PCID2: variants seen among roughly 807,000 people sequenced by gnomAD.
The protein encoded by PCID2 is PCI domain containing 2.
In PCID2, 41 loss-of-function variants were observed where a neutral mutation model predicts 61.3. That is an observed-to-expected ratio of 0.67 (90% CI 0.52 to 0.87). The LOEUF is 0.87. PCID2 is among the 40% of genes least tolerant of loss of function. The probability of loss-of-function intolerance (pLI) is 0.00; values close to 1 mark genes in which losing one functional copy is unlikely to be tolerated. For missense variants in PCID2, 392 were observed against 493.4 expected (o/e 0.79, Z 1.95); for synonymous variants, 187 against 177.8 (o/e 1.05, Z -0.41).
chr13:113,183,535 C>A (rs2037831838), intron 9 of PCID2, among the ~76,000 whole-genome samples: 1 of 152,072 alleles, frequency 6.6e-6, no homozygotes, highest in Non-Finnish European at 1.5e-5. Context: ...AGAGTAAAAA[C>A]TGTGAAAGGA....
downstream of PCID2, among the ~76,000 whole-genome samples, chr13:113,176,437 G>A: frequency 6.6e-6 from 1 of 152,306 alleles, no homozygotes; most frequent in African/African-American, 2.4e-5. Context: ...TCATAAGGGT[G>A]AGGTCCTAAC....
intron 7 of PCID2, chr13:113,186,181 G>C (rs929904779): frequency 6.6e-6 from 1 of 152,594 alleles, no homozygotes; most frequent in Non-Finnish European, 1.5e-5. Context: ...CGAACAGGCA[G>C]GAAGCAACCC....
In PCID2 at chr13:113,180,142, G is replaced by T. The variant is rs1189883807; in HGVS notation, c.860+16C>A. 1.2e-6 allele frequency: 2 copies of T among 1,613,518 alleles called. No homozygotes were observed. Among genetic ancestry groups the T allele is most frequent in the East Asian group, 2.2e-5 (1 of 44,860 alleles). On this transcript the variant is annotated intron_variant, in intron 11 of 13. Transcript: ENST00000337344. Reference sequence around the variant, plus strand: ...GCATTTTTAAAACCCCAAACAGGAAGGATGGCATACTCTACCTCACAGCTC... The same window carrying T: ...GCATTTTTAAAACCCCAAACAGGAATGATGGCATACTCTACCTCACAGCTC...
At chr13:113,165,118 C>T in the PCID2 span, 1 of 1,611,282 alleles carries the variant, frequency 6.2e-7, no homozygotes, top group African/African-American at 1.3e-5. Context: ...CCTCCCGTGG[C>T]AGGTAACAGA....
rs764988354 is a variant in PCID2, at chr13:113,181,157, G to A, written c.759C>T (p.Ile253=). The change falls in exon 10 of 14, where the codon ATC becomes ATT. Residue 253 remains isoleucine, a synonymous_variant. Transcript: ENST00000337344. The part of the protein sequence containing the change: ...SSQKNKRMIL[I]YLLPVKMLLG... ...ATAGCATTTTTACTGGAAGCAAATAGATCAGAATCATCCTTTTGTTCTTCT... is the reference window on the plus strand; with the variant it reads ...ATAGCATTTTTACTGGAAGCAAATAAATCAGAATCATCCTTTTGTTCTTCT... 6 of 1,611,172 alleles carry A rather than the reference G, an allele frequency of 3.7e-6. No homozygotes were observed. The Admixed American group carries it at 6.7e-5, about 18-fold the overall frequency.
At chr13:113,180,857 T>C (rs1414402973) in intron 10 of PCID2, among the ~76,000 whole-genome samples, 2 of 152,242 alleles carry the variant, frequency 1.3e-5, no homozygotes, top group Non-Finnish European at 2.9e-5. Flanking sequence ...TACGTACTTA[T>C]TTTGTCACAT....
intron 9 of PCID2, 40 bp from the exon 10 acceptor site, chr13:113,181,270 AC>A: frequency 7.7e-7 from 1 of 1,291,634 alleles, no homozygotes; most frequent in Non-Finnish European, 1.1e-6. Context: ...AGACCAACGC[AC>A]CTGCTTCAGG....
chr13:113,166,470 G>A, the PCID2 span: 9 of 152,150 alleles, frequency 5.9e-5, 1 homozygote, highest in South Asian at 1.4e-3. Context: ...ACACCCGTCA[G>A]TTTCACCCGA....
intron 1 of PCID2, among the ~76,000 whole-genome samples, chr13:113,207,270 G>C (rs2039945861): frequency 6.6e-6 from 1 of 152,204 alleles, no homozygotes; most frequent in Non-Finnish European, 1.5e-5. Context: ...AAAGGAAACA[G>C]TTGTTTCTCT....
At chr13:113,170,305 G>T in the PCID2 span, 1 of 673,616 alleles carries the variant, frequency 1.5e-6, no homozygotes, top group Non-Finnish European at 2.7e-6. Flanking sequence ...TTGGCGGGGG[G>T]TGGGGGTGGG....
intron 7 of PCID2, 32 bp downstream of exon 7, chr13:113,190,840 G>A (rs552667324): frequency 1.7e-5 from 22 of 1,323,170 alleles, no homozygotes; most frequent in African/African-American, 1.3e-4. Context: ...CACCAACAGC[G>A]TCTGGTGGTC....
At chr13:113,180,959 TC>T (rs914184493) in intron 10 of PCID2, among the ~76,000 whole-genome samples, 170 bp downstream of exon 10, 6 of 152,202 alleles carry the variant, frequency 3.9e-5, no homozygotes, top group Non-Finnish European at 8.8e-5. Flanking sequence ...GGCATGAAGC[TC>T]TGGGTTTGGG....
chr13:113,180,090 G>C, intron 11 of PCID2, 48 bp from the exon 12 acceptor site: 1 of 1,613,638 alleles, frequency 6.2e-7, no homozygotes, highest in Admixed American at 1.7e-5. Flanking sequence ...TTCTCACAGA[G>C]CGTGCACGTC....
At chr13:113,171,696 T>C in the PCID2 span, 2 of 1,613,876 alleles carry the variant, frequency 1.2e-6, no homozygotes, top group Non-Finnish European at 8.5e-7. The surrounding 1 kb of genome is among the most constrained non-coding windows in gnomAD (Gnocchi z 5.1). Flanking sequence ...CTGTCACTGC[T>C]GGAGCTGGAG....
At chr13:113,190,046 TAAAC>T (rs2038474444) in intron 7 of PCID2, among the ~76,000 whole-genome samples, 3 of 150,046 alleles carry the variant, frequency 2.0e-5, no homozygotes, top group African/African-American at 7.4e-5. Context: ...GATTAAAAAA[TAAAC>T]AAAGACTAAC....
chr13:113,172,379 A>G, the PCID2 span: 1 of 460,110 alleles, frequency 2.2e-6, no homozygotes, highest in Non-Finnish European at 4.0e-6. Flanking sequence ...TCTGTCAGTC[A>G]TAAAGCAGCC....
chr13:113,191,011 G>A lies in PCID2; in HGVS notation c.364-36C>T, dbSNP rs769908941. The A allele has an allele frequency of 1.0e-5, 15 of 1,501,774 alleles. No individual in the cohort carries two copies. The East Asian group carries it at 1.1e-4, about 11-fold the overall frequency. The allele number at this position is 1,501,774 out of a possible 1,614,324, so 93.0% of individuals were successfully genotyped here. On this transcript the variant is annotated intron_variant, in intron 6 of 13. Coordinates refer to ENST00000337344, the MANE Select transcript of PCID2 (RefSeq NM_001127202.4). ...ATAAGAACTTTTATTTCATTTTTCC[G>A]AAGCAAGATCTTGCTGTGTCGTCCA...
intron 7 of PCID2, chr13:113,188,039 A>G (rs948085458): frequency 6.6e-6 from 1 of 152,270 alleles, no homozygotes. Flanking sequence ...CCACGCCCTG[A>G]CGCACTTCGC....
At chr13:113,203,407 C>T (rs1457015651) in intron 1 of PCID2, among the ~76,000 whole-genome samples, 1 of 152,226 alleles carries the variant, frequency 6.6e-6, no homozygotes, top group Non-Finnish European at 1.5e-5. Flanking sequence ...AACTAAGTTT[C>T]TCTTCATAGC....
Sources: gnomAD v4.1 joint callset for allele counts (sites outside exome capture counted in the v4.1 genomes callset) on GRCh38, gnomAD v4.1.1 for gene constraint, Gnocchi (gnomAD v3.1) non-coding constraint, MANE v1.5 for transcripts, NCBI Gene and HGNC (gene_info 2026-07-23, HGNC 2026-07-21) for gene names.